CADM1: variants seen among roughly 807,000 people sequenced by gnomAD.
The protein encoded by CADM1 is TSLC-1.
In CADM1, 15 loss-of-function variants were observed where a neutral mutation model predicts 53.1. The ratio of observed to expected loss-of-function variants is 0.28; its 90% confidence interval spans 0.19 to 0.44. The LOEUF (loss-of-function observed/expected upper bound fraction) is 0.44. Among genes scored for constraint, CADM1 ranks in the 20% least tolerant of loss-of-function variants. The pLI is 1.00. For synonymous variants in CADM1, 281 were observed against 243.0 expected (o/e 1.16, Z -1.45); for missense variants, 434 against 611.3 (o/e 0.71, Z 3.06).
intron 1 of CADM1, among the ~76,000 whole-genome samples, chr11:115,358,485 TC>T (rs1591743989): frequency 6.6e-6 from 1 of 152,252 alleles, no homozygotes; most frequent in East Asian, 1.9e-4. Flanking sequence ...TTATTCACTA[TC>T]ACGAGAACAG....
chr11:115,322,668 G>A (rs1944854569), intron 1 of CADM1, among the ~76,000 whole-genome samples: 1 of 152,088 alleles, frequency 6.6e-6, no homozygotes, highest in African/African-American at 2.4e-5. Context: ...CATAAAATAT[G>A]TGGCCTTTGG....
chr11:115,442,420 AC>A (rs1240413939), intron 1 of CADM1, among the ~76,000 whole-genome samples: 1 of 152,146 alleles, frequency 6.6e-6, no homozygotes, highest in Non-Finnish European at 1.5e-5. Flanking sequence ...ACAAAATGAC[AC>A]AAGAGAAGTT....
At chr11:115,214,875 C>T (rs1311758793) in intron 6 of CADM1, 95 bp from the exon 7 acceptor site, 3 of 1,160,220 alleles carry the variant, frequency 2.6e-6, no homozygotes, top group African/African-American at 3.0e-5. Flanking sequence ...TAATGAGGAC[C>T]TACTGGAGAT....
intron 1 of CADM1, among the ~76,000 whole-genome samples, chr11:115,293,568 T>C (rs1252138178): frequency 6.6e-6 from 1 of 152,246 alleles, no homozygotes; most frequent in Non-Finnish European, 1.5e-5. Flanking sequence ...TTAAAGTTTC[T>C]ATCCTACAGT....
intron 1 of CADM1, among the ~76,000 whole-genome samples, chr11:115,276,988 C>G (rs149380088): frequency 3.3e-5 from 5 of 152,316 alleles, no homozygotes; most frequent in Non-Finnish European, 5.9e-5. Context: ...ACCACATTTT[C>G]TCAACAAGAT....
intron 1 of CADM1, among the ~76,000 whole-genome samples, chr11:115,491,558 T>G (rs1327200632): frequency 6.6e-6 from 1 of 150,568 alleles, no homozygotes; most frequent in Non-Finnish European, 1.5e-5. Context: ...AGAGCAAGAC[T>G]CCATCTCAAA....
chr11:115,287,861 T>C (rs989074318), intron 1 of CADM1, among the ~76,000 whole-genome samples: 8 of 152,202 alleles, frequency 5.3e-5, no homozygotes, highest in African/African-American at 1.9e-4. Flanking sequence ...CATATGACGG[T>C]ATATACATCC....
intron 1 of CADM1, among the ~76,000 whole-genome samples, chr11:115,332,802 T>A (rs750572333): frequency 1.3e-5 from 2 of 152,012 alleles, no homozygotes; most frequent in South Asian, 2.1e-4. Flanking sequence ...ATATAAATAA[T>A]CTGATAGTAA....
At chr11:115,256,798 T>C in intron 1 of CADM1, 1 of 456,068 alleles carries the variant, frequency 2.2e-6, no homozygotes. Context: ...TCTAAAAAGT[T>C]TGTTCTTATA....
chr11:115,404,634 T>C lies in CADM1; in HGVS notation c.124+99637A>G, dbSNP rs139079592. Among the ~76,000 whole-genome samples, 21 of 149,850 alleles carry C rather than the reference T, an allele frequency of 1.4e-4. No homozygotes were observed. The East Asian group carries it at 4.1e-3, about 29-fold the overall frequency. ...AATAAAAATAAAAAAAAACAAGCCA[T>C]ATACTTAATTGCATATAACCCGCAA... On this transcript the variant is annotated intron_variant, in intron 1 of 11. Coordinates refer to ENST00000331581, the MANE Select transcript of CADM1 (RefSeq NM_001301043.2).
At chr11:115,317,902 T>C (rs947168824) in intron 1 of CADM1, among the ~76,000 whole-genome samples, 2 of 152,154 alleles carry the variant, frequency 1.3e-5, no homozygotes, top group African/African-American at 4.8e-5. Context: ...ACCAAAGATA[T>C]GTTTTAATTG....
At chr11:115,468,467 A>G (rs1244895506) in intron 1 of CADM1, among the ~76,000 whole-genome samples, 1 of 152,242 alleles carries the variant, frequency 6.6e-6, no homozygotes, top group Admixed American at 6.5e-5. Context: ...TTAAAATCCT[A>G]AAAGACTTCA....
intron 11 of CADM1, among the ~76,000 whole-genome samples, chr11:115,177,840 G>A (rs1038992364): frequency 6.6e-6 from 1 of 152,164 alleles, no homozygotes; most frequent in Non-Finnish European, 1.5e-5. Flanking sequence ...CCACTGCTGT[G>A]CTCAAGGGAC....
In CADM1 at chr11:115,173,787, C is replaced by T. The variant is rs1938888551; in HGVS notation, c.*2687G>A. The T allele has an allele frequency of 1.6e-5, 16 of 983,460 alleles. No homozygotes were observed. Among genetic ancestry groups the T allele is most frequent in the Non-Finnish European group, 1.9e-5 (16 of 829,296 alleles). 60.9% of individuals were successfully genotyped at this position (983,460 alleles called of 1,614,324 possible). ...CTTACACTGTAACATTGTCCATGTA[C>T]ACCTTAAAAACAGAACTGGCCTAAA... On this transcript the variant is annotated 3_prime_UTR_variant, in exon 12 of 12. Transcript: ENST00000331581.
Position 115,176,293 on chromosome 11 carries a change from AGTG to A in CADM1, c.*178_*180del. 1 of 1,448,382 alleles carries A rather than the reference AGTG, an allele frequency of 6.9e-7. No homozygotes were observed. Among genetic ancestry groups the A allele is most frequent in the African/African-American group, 1.4e-5 (1 of 69,786 alleles). The allele number at this position is 1,448,382 out of a possible 1,614,324, so 89.7% of individuals were successfully genotyped here. A position where few individuals can be genotyped will look rare whatever the true frequency, so the allele number is the denominator to read the frequency against. ...CGAAAAAAGAGGTGTCAAACAGCAGAGTGTACTTTCCAAAGAACATTTTTTTTT... is the reference window on the plus strand; with the variant it reads ...CGAAAAAAGAGGTGTCAAACAGCAGATACTTTCCAAAGAACATTTTTTTTT... On this transcript the variant is annotated 3_prime_UTR_variant, in exon 12 of 12. Transcript: ENST00000331581.
chr11:115,490,638 T>G (rs1279335617), intron 1 of CADM1, among the ~76,000 whole-genome samples: 1 of 152,116 alleles, frequency 6.6e-6, no homozygotes, highest in Non-Finnish European at 1.5e-5. Context: ...GACCTTGTGA[T>G]CCGCCCACCT....
At chr11:115,503,144 C>A (rs1395343850) in intron 1 of CADM1, among the ~76,000 whole-genome samples, 5 of 152,158 alleles carry the variant, frequency 3.3e-5, no homozygotes, top group Non-Finnish European at 7.4e-5. Flanking sequence ...GGCGAGGTGG[C>A]GGGAAGGGAG....
chr11:115,437,946 A>G (rs1158885139), intron 1 of CADM1, among the ~76,000 whole-genome samples: 1 of 152,178 alleles, frequency 6.6e-6, no homozygotes, highest in Non-Finnish European at 1.5e-5. Context: ...AGCTAACAAT[A>G]CGTAGCTTTA....
At position 115,188,804 on chromosome 11, in the gene CADM1, C is replaced by T. The variant is rs138056406; in HGVS notation, c.1165+2084G>A. Among the ~76,000 whole-genome samples, 572 of 152,232 alleles carry T rather than the reference C, an allele frequency of 3.8e-3. 3 individuals are homozygous for T. Among genetic ancestry groups the T allele is most frequent in the African/African-American group, 0.013 (538 of 41,526 alleles). On this transcript the variant is annotated intron_variant, in intron 10 of 11. Transcript: ENST00000331581. ...TTCATCCTTTCTCAATCAATATGCT[C>T]CCCTTCAGTGACCCATTTCAAGACA... is the stretch of plus-strand genomic sequence containing the variant.
Sources: gnomAD v4.1 joint callset for allele counts (sites outside exome capture counted in the v4.1 genomes callset) on GRCh38, gnomAD v4.1.1 for gene constraint, MANE v1.5 for transcripts, NCBI Gene and HGNC (gene_info 2026-07-23, HGNC 2026-07-21) for gene names.